LPP: variants seen among roughly 807,000 people sequenced by gnomAD.
The protein encoded by LPP is LIM domain containing preferred translocation partner in lipoma.
LPP carries 38 observed loss-of-function variants against 60.4 expected under a neutral mutation model. The observed-to-expected ratio is 0.63, with a 90% CI of 0.49 to 0.83. The LOEUF is 0.83. LPP is among the 40% of genes least tolerant of loss of function. The pLI, the probability that LPP is intolerant of heterozygous loss-of-function variation, is 0.00. For synonymous variants in LPP, 328 were observed against 290.8 expected, an observed-to-expected ratio of 1.13 and a Z score of -1.30; for missense variants, 902 against 783.6, an observed-to-expected ratio of 1.15 and a Z score of -1.80.
intron 2 of LPP, among the ~76,000 whole-genome samples, chr3:188,294,324 G>A (rs1196280057): frequency 6.6e-6 from 1 of 152,090 alleles, no homozygotes; most frequent in Non-Finnish European, 1.5e-5. Flanking sequence ...ACTTTAAATG[G>A]GTGAATTGTA....
At chr3:188,703,000 T>A (rs963539550) in intron 7 of LPP, among the ~76,000 whole-genome samples, 2 of 152,146 alleles carry the variant, frequency 1.3e-5, no homozygotes, top group African/African-American at 4.8e-5. Context: ...CTCTACAAGG[T>A]TGCTCACTTA....
At chr3:188,782,510 G>A (rs1296676279) in intron 9 of LPP, among the ~76,000 whole-genome samples, 1 of 152,142 alleles carries the variant, frequency 6.6e-6, no homozygotes, top group Non-Finnish European at 1.5e-5. Flanking sequence ...AGTTTATGTG[G>A]TTTAATTGCC....
At chr3:188,766,263 A>G (rs547360733) in intron 9 of LPP, among the ~76,000 whole-genome samples, 1 of 152,074 alleles carries the variant, frequency 6.6e-6, no homozygotes, top group East Asian at 1.9e-4. Context: ...GAAAATTTTA[A>G]TTGATAACCA....
chr3:188,735,151 G>C (rs1276715678), intron 8 of LPP, among the ~76,000 whole-genome samples: 1 of 151,984 alleles, frequency 6.6e-6, no homozygotes, highest in Non-Finnish European at 1.5e-5. Context: ...CTGACCCACT[G>C]ACATTGAGTT....
At chr3:188,687,295 A>G (rs1418647836) in intron 7 of LPP, among the ~76,000 whole-genome samples, 1 of 152,114 alleles carries the variant, frequency 6.6e-6, no homozygotes, top group Non-Finnish European at 1.5e-5. Context: ...GGGATCAAGG[A>G]TGAAAGTGCT....
intron 9 of LPP, among the ~76,000 whole-genome samples, chr3:188,822,025 C>G (rs1422689279): frequency 1.3e-5 from 2 of 152,018 alleles, no homozygotes; most frequent in Non-Finnish European, 2.9e-5. Context: ...TCTCATTTTT[C>G]TCTAGAATAC....
intron 9 of LPP, among the ~76,000 whole-genome samples, chr3:188,827,269 A>G (rs1015873021): frequency 6.6e-6 from 1 of 152,206 alleles, no homozygotes; most frequent in Non-Finnish European, 1.5e-5. Flanking sequence ...TCTGACATCC[A>G]ACACCACATG....
At chr3:188,581,713 C>T (rs182147658) in intron 6 of LPP, among the ~76,000 whole-genome samples, 1 of 152,214 alleles carries the variant, frequency 6.6e-6, no homozygotes, top group African/African-American at 2.4e-5. Context: ...CTTATCATTG[C>T]TTCGCTCTAT....
At position 188,875,888 on chromosome 3, in the gene LPP, A is replaced by G; in HGVS notation, c.*1409A>G. 5.3e-6 allele frequency: 1 copy of G among 188,710 alleles called. No individual in the cohort carries two copies. The highest frequency in any genetic ancestry group is 1.9e-4 in the South Asian group (1 of 5,138). The allele number at this position is 188,710 out of a possible 1,614,324, so 11.7% of individuals were successfully genotyped here. A position where few individuals can be genotyped will look rare whatever the true frequency, so the allele number is the denominator to read the frequency against. ...AGTCATGGCAAGTTGCCATTTTGTA[A>G]ACTAAGGATTTTGGACTGAGATTTC... On this transcript the variant is annotated 3_prime_UTR_variant, in exon 12 of 12. Transcript: ENST00000617246.
At chr3:188,696,782 G>A (rs1004613347) in intron 7 of LPP, among the ~76,000 whole-genome samples, 3 of 152,014 alleles carry the variant, frequency 2.0e-5, no homozygotes, top group African/African-American at 7.2e-5. Flanking sequence ...TCAATTTTTT[G>A]CTTTGTTCTT....
At chr3:188,816,481 G>A (rs1257601034) in intron 9 of LPP, among the ~76,000 whole-genome samples, 8 of 152,242 alleles carry the variant, frequency 5.3e-5, no homozygotes, top group East Asian at 1.9e-4. Context: ...GATTACAGGC[G>A]TGAGCCACCA....
chr3:188,486,941 A>G (rs1806724753), intron 5 of LPP, among the ~76,000 whole-genome samples: 1 of 152,178 alleles, frequency 6.6e-6, no homozygotes, highest in African/African-American at 2.4e-5. Flanking sequence ...GCTTTAATAT[A>G]CCTTTGGTCT....
chr3:188,177,604 T>G (rs541294961), intron 1 of LPP, among the ~76,000 whole-genome samples: 15 of 152,112 alleles, frequency 9.9e-5, no homozygotes, highest in Non-Finnish European at 2.1e-4. Context: ...CCTGGGAAGA[T>G]GAAGATTAGG....
intron 2 of LPP, among the ~76,000 whole-genome samples, chr3:188,295,894 C>G (rs1194246168): frequency 6.6e-6 from 1 of 152,128 alleles, no homozygotes; most frequent in African/African-American, 2.4e-5. Context: ...AAGGTTAAGG[C>G]AGTGAAGATA....
chr3:188,506,001 C>T (rs564944194), intron 5 of LPP, among the ~76,000 whole-genome samples: 2 of 152,176 alleles, frequency 1.3e-5, no homozygotes, highest in Non-Finnish European at 2.9e-5. Context: ...AAGCTCATAT[C>T]GTCATTGTCA....
intron 7 of LPP, among the ~76,000 whole-genome samples, chr3:188,695,500 T>A (rs2149517207): frequency 6.6e-6 from 1 of 152,310 alleles, no homozygotes; most frequent in East Asian, 1.9e-4. Context: ...TTAATACAAA[T>A]AATCGTGCGC....
In LPP at chr3:188,442,295, C is replaced by T. The variant is rs538594672; in HGVS notation, c.193+35982C>T. Among the ~76,000 whole-genome samples, 3 of 152,228 alleles carry T rather than the reference C, an allele frequency of 2.0e-5. No homozygotes were observed. In the South Asian group the frequency reaches 6.2e-4, roughly 32 times the overall value. On this transcript the variant is annotated intron_variant, in intron 4 of 11. Coordinates refer to ENST00000617246, the MANE Select transcript of LPP (RefSeq NM_001375462.1). ...CCCAGCCCCACACACCCCAAGAGGCCCTGGTGTGTGATGTTCCCTTCCCCG... is the reference window on the plus strand; with the variant it reads ...CCCAGCCCCACACACCCCAAGAGGCTCTGGTGTGTGATGTTCCCTTCCCCG...
intron 7 of LPP, among the ~76,000 whole-genome samples, chr3:188,676,745 A>G (rs770658714): frequency 1.2e-4 from 18 of 152,288 alleles, no homozygotes; most frequent in Non-Finnish European, 1.8e-4. Flanking sequence ...GGTGCCCTCA[A>G]TTATTCCCAC....
At chr3:188,679,392 C>T (rs979962503) in intron 7 of LPP, among the ~76,000 whole-genome samples, 1 of 151,918 alleles carries the variant, frequency 6.6e-6, no homozygotes, top group Admixed American at 6.6e-5. Context: ...ATTTATGACT[C>T]TGTCCTTTCA....
Sources: gnomAD v4.1 joint callset for allele counts (sites outside exome capture counted in the v4.1 genomes callset) on GRCh38, gnomAD v4.1.1 for gene constraint, MANE v1.5 for transcripts, NCBI Gene and HGNC (gene_info 2026-07-23, HGNC 2026-07-21) for gene names.